The following SENP7 variants were observed in gnomAD, a reference collection of about 807,000 sequenced individuals.
SENP7 encodes sentrin-specific protease 7.
A neutral mutation model predicts 141.2 loss-of-function variants in SENP7; 64 were observed. The observed-to-expected ratio is 0.45, with a 90% CI of 0.37 to 0.56. The LOEUF (loss-of-function observed/expected upper bound fraction) is 0.56, where lower values mean the gene tolerates loss of function less well. SENP7 is among the 20% of genes least tolerant of loss of function. The probability of loss-of-function intolerance (pLI) is 0.00; values close to 1 mark genes in which losing one functional copy is unlikely to be tolerated. For synonymous variants in SENP7, 382 were observed against 426.4 expected, an observed-to-expected ratio of 0.90 and a Z score of 1.28; for missense variants, 1,025 against 1,212.2, an observed-to-expected ratio of 0.85 and a Z score of 2.29.
At chr3:101,484,558 C>T (rs2064641680) in intron 3 of SENP7, among the ~76,000 whole-genome samples, 1 of 152,178 alleles carries the variant, frequency 6.6e-6, no homozygotes, top group Non-Finnish European at 1.5e-5. Flanking sequence ...ACTGTGAGTG[C>T]CCCAACTGCG....
Position 101,444,833 on chromosome 3 carries a change from G to A in SENP7, c.284+14122C>T, listed in dbSNP as rs185795914. Among the ~76,000 whole-genome samples, 768 of 151,842 alleles carry A rather than the reference G, an allele frequency of 5.1e-3. 6 individuals carry two copies. Among genetic ancestry groups the A allele is most frequent in the African/African-American group, 0.017 (714 of 41,406 alleles). ...GGTGCAGCGCACCAGCATGGCACAC[G>A]TATACATATGTAACTAACCTGCACA... On this transcript the variant is annotated intron_variant, in intron 4 of 23. Coordinates refer to ENST00000394095, the MANE Select transcript of SENP7 (RefSeq NM_020654.5).
rs1306561257 is a variant in SENP7 at position 101,325,336 on chromosome 3, G to A, written c.*607C>T. 1 of 151,532 alleles carries A rather than the reference G, an allele frequency of 6.6e-6. No individual in the cohort carries two copies. The highest frequency in any genetic ancestry group is 6.6e-5 in the Admixed American group (1 of 15,140). 9.4% of individuals were successfully genotyped at this position (151,532 alleles called of 1,614,324 possible). On this transcript the variant is annotated 3_prime_UTR_variant, in exon 24 of 24. Coordinates refer to ENST00000394095, the MANE Select transcript of SENP7 (RefSeq NM_020654.5). ...AGCAGAGTAATCGTATTTAGCAATT[G>A]AGAATAATAAGCTGCACTTTAAAAG...
chr3:101,424,295 C>T (rs1260723986), intron 4 of SENP7, among the ~76,000 whole-genome samples: 1 of 152,032 alleles, frequency 6.6e-6, no homozygotes, highest in East Asian at 1.9e-4. Flanking sequence ...CGCAGCTTCC[C>T]CTTGGCCCAT....
At chr3:101,504,028 T>C (rs2065492179) in intron 1 of SENP7, among the ~76,000 whole-genome samples, 1 of 151,974 alleles carries the variant, frequency 6.6e-6, no homozygotes, top group Non-Finnish European at 1.5e-5. Context: ...ATAATAATAA[T>C]AACTAATGAA....
At chr3:101,397,801 C>T (rs2061013041) in intron 6 of SENP7, among the ~76,000 whole-genome samples, 1 of 152,058 alleles carries the variant, frequency 6.6e-6, no homozygotes. Flanking sequence ...AACTTTTCAT[C>T]TATATAAAAA....
chr3:101,350,735 A>C (rs2059592226), intron 12 of SENP7, among the ~76,000 whole-genome samples: 1 of 152,030 alleles, frequency 6.6e-6, no homozygotes, highest in Non-Finnish European at 1.5e-5. Context: ...TTCTGAAATT[A>C]TCATCCCCTT....
chr3:101,429,748 G>C (rs904079001), intron 4 of SENP7, among the ~76,000 whole-genome samples: 1 of 152,142 alleles, frequency 6.6e-6, no homozygotes, highest in Non-Finnish European at 1.5e-5. Flanking sequence ...TAGTAAGAGA[G>C]GGCATCCTTG....
At chr3:101,495,811 G>T (rs999322060) in intron 2 of SENP7, among the ~76,000 whole-genome samples, 2 of 152,092 alleles carry the variant, frequency 1.3e-5, no homozygotes, top group African/African-American at 4.8e-5. Context: ...CTAGGTGATG[G>T]GTTGTTCTTG....
intron 14 of SENP7, among the ~76,000 whole-genome samples, chr3:101,342,373 C>T (rs987929994): frequency 1.3e-5 from 2 of 152,122 alleles, no homozygotes; most frequent in African/African-American, 4.8e-5. Context: ...CAGAGATATA[C>T]AAGCTACATG....
At chr3:101,390,102 C>T (rs2060769926) in intron 6 of SENP7, among the ~76,000 whole-genome samples, 1 of 151,662 alleles carries the variant, frequency 6.6e-6, no homozygotes, top group Non-Finnish European at 1.5e-5. Context: ...CATCTGTAGT[C>T]CCAGCTACTT....
At chr3:101,501,349 T>C (rs2065371407) in intron 1 of SENP7, among the ~76,000 whole-genome samples, 1 of 150,424 alleles carries the variant, frequency 6.6e-6, no homozygotes, top group African/African-American at 2.4e-5. Flanking sequence ...AATATTTATA[T>C]ATATAAATAT....
chr3:101,425,534 A>T (rs1317382316), intron 4 of SENP7, among the ~76,000 whole-genome samples: 1 of 152,224 alleles, frequency 6.6e-6, no homozygotes, highest in Non-Finnish European at 1.5e-5. Context: ...TCAAAGACTG[A>T]AGGAACTTAA....
At chr3:101,509,826 C>T (rs187960649) in intron 1 of SENP7, among the ~76,000 whole-genome samples, 2 of 152,232 alleles carry the variant, frequency 1.3e-5, no homozygotes, top group Admixed American at 6.5e-5. Context: ...AATTCTGTTC[C>T]TTACTAGCTA....
intron 4 of SENP7, among the ~76,000 whole-genome samples, chr3:101,433,042 A>G (rs1278872745): frequency 6.6e-6 from 1 of 152,208 alleles, no homozygotes; most frequent in Non-Finnish European, 1.5e-5. Context: ...AAAAATAATA[A>G]CTACAATAAC....
Position 101,341,659 on chromosome 3 carries a change from C to A in SENP7, c.2227G>T (p.Gly743Ter). 1 of 1,604,600 alleles carries A rather than the reference C, an allele frequency of 6.2e-7. No individual in the cohort carries two copies. The highest frequency in any genetic ancestry group is 8.5e-7 in the Non-Finnish European group (1 of 1,173,310). The part of the protein sequence containing the change: ...DEEWREVRHT[G>*]LVQKLIVYPP... ...GACAGTACATACTTCTGAACAAGTC[C>A]AGTGTGCCTGACTTCTCGCCATTCT... is the stretch of plus-strand genomic sequence containing the variant. The change falls in exon 15 of 24, where the codon GGA becomes TGA. Residue 743 changes from glycine (G) to a stop codon, truncating the protein, a stop_gained. Transcript: ENST00000394095. LOFTEE classifies it high-confidence loss of function.
chr3:101,398,551 CTAA>C (rs2061039293), intron 6 of SENP7, among the ~76,000 whole-genome samples: 1 of 152,098 alleles, frequency 6.6e-6, no homozygotes, highest in African/African-American at 2.4e-5. Context: ...GGGCAATAGA[CTAA>C]TGTCAGAGGA....
At chr3:101,462,562 G>T (rs1209035637) in intron 3 of SENP7, among the ~76,000 whole-genome samples, 2 of 148,764 alleles carry the variant, frequency 1.3e-5, no homozygotes, top group African/African-American at 5.0e-5. Flanking sequence ...AAGAAAGAAA[G>T]AAAAGAAACA....
chr3:101,359,823 G>T (rs758649027), intron 11 of SENP7, among the ~76,000 whole-genome samples: 2 of 152,036 alleles, frequency 1.3e-5, no homozygotes, highest in Admixed American at 6.5e-5. Flanking sequence ...ATATGTGTTT[G>T]TAATATTGTT....
At position 101,332,760 on chromosome 3, in the gene SENP7, A is replaced by G; in HGVS notation, c.2573+10T>C. ...TTCCAATATGTTCTTAAATAATCTG[A>G]AATACTTACGACTCATTTACAGGTA... On this transcript the variant is annotated intron_variant, in intron 18 of 23. Coordinates refer to ENST00000394095, the MANE Select transcript of SENP7 (RefSeq NM_020654.5). 1 of 1,467,084 alleles carries G rather than the reference A, an allele frequency of 6.8e-7. No homozygotes were observed. The highest frequency in any genetic ancestry group is 9.0e-7 in the Non-Finnish European group (1 of 1,110,540). 90.9% of individuals were successfully genotyped at this position (1,467,084 alleles called of 1,614,324 possible).
Sources: gnomAD v4.1 joint callset for allele counts (sites outside exome capture counted in the v4.1 genomes callset) on GRCh38, gnomAD v4.1.1 for gene constraint, MANE v1.5 for transcripts, NCBI Gene and HGNC (gene_info 2026-07-23, HGNC 2026-07-21) for gene names.